CNTN1: variants seen among roughly 807,000 people sequenced by gnomAD.
CNTN1 encodes contactin 1.
A neutral mutation model predicts 126.4 loss-of-function variants in CNTN1; 38 were observed. The ratio of observed to expected loss-of-function variants is 0.30; its 90% CI spans 0.23 to 0.39. The LOEUF is 0.39. Ranked by LOEUF, CNTN1 falls within the 10% of genes least tolerant of loss-of-function variation. The probability of loss-of-function intolerance (pLI) is 1.00; values close to 1 mark genes in which losing one functional copy is unlikely to be tolerated. For synonymous variants in CNTN1, 413 were observed against 422.6 expected (o/e 0.98, Z 0.28); for missense variants, 1,009 against 1,248.4 (o/e 0.81, Z 2.89).
chr12:40,736,553 A>G (rs1453763573), intron 1 of CNTN1, among the ~76,000 whole-genome samples: 1 of 152,100 alleles, frequency 6.6e-6, no homozygotes, highest in African/African-American at 2.4e-5. Context: ...AGAGCAAAAG[A>G]GCAGATTACT....
At chr12:41,066,114 TAA>T (rs1950044823) in intron 23 of CNTN1, among the ~76,000 whole-genome samples, 1 of 152,240 alleles carries the variant, frequency 6.6e-6, no homozygotes, top group South Asian at 2.1e-4. Context: ...CTCGGAAGAA[TAA>T]AAAATAATGT....
chr12:41,027,519 T>A (rs1949059646), intron 21 of CNTN1, among the ~76,000 whole-genome samples: 1 of 152,078 alleles, frequency 6.6e-6, no homozygotes, highest in African/African-American at 2.4e-5. Flanking sequence ...ATGTTAAATT[T>A]AAAAAAGAAT....
chr12:40,963,438 C>G (rs530039961), intron 15 of CNTN1, among the ~76,000 whole-genome samples: 1 of 151,908 alleles, frequency 6.6e-6, no homozygotes, highest in East Asian at 1.9e-4. Context: ...AGAATCACCC[C>G]TTTAAGACAG....
intron 1 of CNTN1, among the ~76,000 whole-genome samples, chr12:40,895,161 C>G (rs550541777): frequency 2.0e-5 from 3 of 152,208 alleles, no homozygotes; most frequent in African/African-American, 7.2e-5. Context: ...CATTTTTATA[C>G]TACTTTTAAT....
chr12:40,942,029 C>G (rs1946279623), intron 12 of CNTN1, among the ~76,000 whole-genome samples: 1 of 151,976 alleles, frequency 6.6e-6, no homozygotes, highest in Non-Finnish European at 1.5e-5. Context: ...CAATTGAAAA[C>G]TAACATAAGT....
At chr12:40,782,578 C>T (rs1939845423) in intron 1 of CNTN1, among the ~76,000 whole-genome samples, 1 of 151,862 alleles carries the variant, frequency 6.6e-6, no homozygotes, top group African/African-American at 2.4e-5. Flanking sequence ...TGAGGTCTGT[C>T]TAACACTGAA....
At chr12:41,037,013 A>G (rs1486250462) in intron 23 of CNTN1, among the ~76,000 whole-genome samples, 1 of 152,102 alleles carries the variant, frequency 6.6e-6, no homozygotes, top group Non-Finnish European at 1.5e-5. Context: ...TTATAGTTCC[A>G]TTTCTGTAAA....
intron 1 of CNTN1, among the ~76,000 whole-genome samples, chr12:40,795,322 T>A (rs1211584868): frequency 9.1e-6 from 1 of 110,228 alleles, no homozygotes; most frequent in Non-Finnish European, 1.9e-5. Flanking sequence ...CACACACATT[T>A]TTTTTTTTTT....
chr12:40,713,779 T>C (rs1565634738), intron 1 of CNTN1, among the ~76,000 whole-genome samples: 1 of 152,122 alleles, frequency 6.6e-6, no homozygotes, highest in African/African-American at 2.4e-5. Flanking sequence ...AAATGAAATG[T>C]CCAATCCAAA....
chr12:41,029,273 C>A (rs774144345), intron 23 of CNTN1, 54 bp downstream of exon 23: 27 of 1,591,024 alleles, frequency 1.7e-5, no homozygotes, highest in Non-Finnish European at 2.2e-5. Context: ...GTTTCTAGAC[C>A]CTGTGGATTC....
At chr12:40,878,814 A>G (rs1372219062) in intron 1 of CNTN1, among the ~76,000 whole-genome samples, 1 of 152,198 alleles carries the variant, frequency 6.6e-6, no homozygotes, top group Admixed American at 6.5e-5. Context: ...TGTTTTATGA[A>G]AGAATCAAAG....
chr12:40,989,616 TTCTTGCA>T (rs2120470724), intron 16 of CNTN1, among the ~76,000 whole-genome samples: 2 of 152,326 alleles, frequency 1.3e-5, no homozygotes, highest in Admixed American at 1.3e-4. Flanking sequence ...AAAGCTATGC[TTCTTGCA>T]TTGAGACACT....
intron 15 of CNTN1, among the ~76,000 whole-genome samples, chr12:40,970,889 T>C (rs1435713498): frequency 6.6e-6 from 1 of 152,186 alleles, no homozygotes; most frequent in Non-Finnish European, 1.5e-5. Context: ...CCATACATTG[T>C]TCATGGCAAC....
At chr12:41,018,167 AC>A (rs1948825511) in intron 19 of CNTN1, among the ~76,000 whole-genome samples, 1 of 152,144 alleles carries the variant, frequency 6.6e-6, no homozygotes, top group Non-Finnish European at 1.5e-5. Context: ...GACTAGAAAA[AC>A]AAATAGAGAT....
At chr12:40,696,631 A>G (rs1300773391) in intron 1 of CNTN1, among the ~76,000 whole-genome samples, 1 of 152,230 alleles carries the variant, frequency 6.6e-6, no homozygotes, top group African/African-American at 2.4e-5. Context: ...TCCTGACAAC[A>G]GGACTGATCC....
intron 23 of CNTN1, among the ~76,000 whole-genome samples, chr12:41,065,946 C>T (rs1401200755): frequency 1.3e-5 from 2 of 152,214 alleles, no homozygotes. Flanking sequence ...AACGTGCTGT[C>T]CCAGCAGGAG....
At chr12:40,780,310 A>G (rs1237271668) in intron 1 of CNTN1, among the ~76,000 whole-genome samples, 2 of 151,914 alleles carry the variant, frequency 1.3e-5, no homozygotes, top group Admixed American at 1.3e-4. Context: ...ACATATCCCA[A>G]TTGGGAAAAG....
intron 1 of CNTN1, among the ~76,000 whole-genome samples, chr12:40,822,804 A>T (rs961136689): frequency 3.9e-5 from 6 of 152,190 alleles, no homozygotes; most frequent in African/African-American, 1.4e-4. Context: ...TTACAAAAGT[A>T]TACTGCTTGA....
chr12:40,964,352 A>C (rs1368390378), intron 15 of CNTN1, among the ~76,000 whole-genome samples: 9 of 152,202 alleles, frequency 5.9e-5, no homozygotes, highest in Non-Finnish European at 1.5e-5. Context: ...TATGCTGTAT[A>C]GAATTTTAAA....
Sources: gnomAD v4.1 joint callset for allele counts (sites outside exome capture counted in the v4.1 genomes callset) on GRCh38, gnomAD v4.1.1 for gene constraint, MANE v1.5 for transcripts, NCBI Gene and HGNC (gene_info 2026-07-23, HGNC 2026-07-21) for gene names.